Variants in MREG observed in about 807,000 individuals in gnomAD.
MREG encodes the protein melanoregulin.
MREG carries 31 observed loss-of-function variants against 28.5 expected under a neutral mutation model. The observed-to-expected ratio is 1.09, with a 90% confidence interval of 0.82 to 1.47. The LOEUF (loss-of-function observed/expected upper bound fraction) is 1.47. MREG is among the 40% of genes most tolerant of loss of function. The pLI is 0.00. For synonymous variants in MREG, 106 were observed against 95.2 expected, an observed-to-expected ratio of 1.11 and a Z score of -0.66; for missense variants, 256 against 257.4, an observed-to-expected ratio of 0.99 and a Z score of 0.04.
At chr2:215,942,090 T>C (rs1305454404), downstream of MREG, among the ~76,000 whole-genome samples, 1 of 152,188 alleles carries the variant, frequency 6.6e-6, no homozygotes, top group Non-Finnish European at 1.5e-5. Flanking sequence ...ATAAATAATA[T>C]TCTGTGCAAC....
chr2:215,979,794 T>C (rs999417273), intron 2 of MREG, among the ~76,000 whole-genome samples: 1 of 151,976 alleles, frequency 6.6e-6, no homozygotes, highest in Admixed American at 6.5e-5. Context: ...TCAGACACTC[T>C]AAGAAAAACC....
chr2:215,976,056 C>T (rs901202314), intron 2 of MREG, among the ~76,000 whole-genome samples: 2 of 151,146 alleles, frequency 1.3e-5, no homozygotes, highest in African/African-American at 4.9e-5. Flanking sequence ...TGCAGTGAGC[C>T]AAGATCGCAC....
chr2:215,984,972 C>A (rs1693528376), intron 2 of MREG, among the ~76,000 whole-genome samples: 1 of 152,188 alleles, frequency 6.6e-6, no homozygotes, highest in South Asian at 2.1e-4. Flanking sequence ...CTCTCCATTT[C>A]AATCCTGATA....
intron 1 of MREG, among the ~76,000 whole-genome samples, chr2:216,024,931 C>T (rs200315844): frequency 0.012 from 927 of 75,434 alleles, 17 homozygotes; most frequent in African/African-American, 0.038. Context: ...AAAAAAGGAA[C>T]GGAAAGGAAG....
At chr2:216,015,082 TAAG>T (rs1389339531), upstream of MREG, among the ~76,000 whole-genome samples, 1 of 151,962 alleles carries the variant, frequency 6.6e-6, no homozygotes, top group Non-Finnish European at 1.5e-5. Context: ...GGGAAGGGAA[TAAG>T]AAGTGCCAGG....
intron 2 of MREG, among the ~76,000 whole-genome samples, chr2:215,993,444 A>C (rs1193722687): frequency 3.3e-5 from 5 of 152,192 alleles, no homozygotes; most frequent in Non-Finnish European, 5.9e-5. Flanking sequence ...AGACTTAAAC[A>C]TAAGACCTAA....
chr2:215,947,984 A>G (rs1692365275), intron 2 of MREG, among the ~76,000 whole-genome samples: 1 of 152,216 alleles, frequency 6.6e-6, no homozygotes, highest in South Asian at 2.1e-4. Flanking sequence ...TTTATAGAGT[A>G]TACCTTTTAC....
chr2:216,005,645 G>T lies in MREG; in HGVS notation c.95+7588C>A, dbSNP rs138814650. Among the ~76,000 whole-genome samples the T allele has an allele frequency of 7.7e-3, 1,174 of 151,516 alleles. 10 individuals are homozygous for T. Among genetic ancestry groups the T allele is most frequent in the African/African-American group, 0.027 (1,122 of 41,350 alleles). ...TTTTTGTAGTTTGAGTAGACACAGG[G>T]TTTCACCATGTTGGCCAGGCTGGTC... On this transcript the variant is annotated intron_variant, in intron 1 of 4. Coordinates refer to ENST00000263268, the MANE Select transcript of MREG (RefSeq NM_018000.3).
At chr2:216,028,981 C>T (rs1176488792) in intron 1 of MREG, among the ~76,000 whole-genome samples, 1 of 151,808 alleles carries the variant, frequency 6.6e-6, no homozygotes, top group Non-Finnish European at 1.5e-5. Context: ...TTTGGTTTTC[C>T]CCCCATTGGA....
chr2:216,002,869 TTC>T (rs67495704), intron 1 of MREG, among the ~76,000 whole-genome samples: 87,553 of 148,972 alleles, frequency 0.59, 26,358 homozygotes, highest in African/African-American at 0.72. Context: ...TTCTTTGTTT[TTC>T]TCTCTCCCTG....
intron 2 of MREG, among the ~76,000 whole-genome samples, chr2:215,972,586 A>T (rs1693131742): frequency 6.8e-6 from 1 of 147,704 alleles, no homozygotes; most frequent in Non-Finnish European, 1.5e-5. Flanking sequence ...ACTGCACTTC[A>T]GTCTAGCCAA....
chr2:215,994,719 G>T (rs139075309), intron 2 of MREG, among the ~76,000 whole-genome samples: 1 of 149,912 alleles, frequency 6.7e-6, no homozygotes, highest in Non-Finnish European at 1.5e-5. Context: ...CACTTTAGAA[G>T]CTGTGCTTTC....
intron 2 of MREG, among the ~76,000 whole-genome samples, chr2:215,984,434 C>A (rs1302322898): frequency 6.9e-6 from 1 of 145,948 alleles, no homozygotes; most frequent in Non-Finnish European, 1.5e-5. Flanking sequence ...AGAAGAATTG[C>A]TGGAGCCCAG....
chr2:215,968,788 C>T (rs563092262), intron 2 of MREG, among the ~76,000 whole-genome samples: 1 of 152,324 alleles, frequency 6.6e-6, no homozygotes, highest in South Asian at 2.1e-4. Context: ...CAGGGCCTCA[C>T]TCTGTCACCC....
At chr2:215,951,015 TTC>T (rs1007135506) in intron 2 of MREG, among the ~76,000 whole-genome samples, 2 of 151,268 alleles carry the variant, frequency 1.3e-5, no homozygotes, top group Non-Finnish European at 3.0e-5. Context: ...CTCTGTCTCT[TTC>T]TCTCTCTCTC....
At chr2:215,980,705 G>T (rs1574623107) in intron 2 of MREG, among the ~76,000 whole-genome samples, 1 of 152,158 alleles carries the variant, frequency 6.6e-6, no homozygotes, top group Non-Finnish European at 1.5e-5. Flanking sequence ...CAAGGTACTC[G>T]GGAGGCTGAG....
intron 2 of MREG, among the ~76,000 whole-genome samples, chr2:215,974,659 A>G (rs965649120): frequency 2.6e-5 from 4 of 152,096 alleles, no homozygotes; most frequent in Admixed American, 6.5e-5. Flanking sequence ...CAGGCAGGGG[A>G]GGGGAAGACA....
intron 2 of MREG, among the ~76,000 whole-genome samples, chr2:215,958,023 G>A (rs184087511): frequency 1.2e-4 from 18 of 150,602 alleles, no homozygotes; most frequent in East Asian, 5.9e-4. Context: ...ACCAAACACC[G>A]CACGTTCTCA....
rs772777536 is a variant in MREG at position 215,947,007 on chromosome 2, T to C, written c.346+16A>G. On this transcript the variant is annotated intron_variant, in intron 3 of 4. Coordinates refer to ENST00000263268, the MANE Select transcript of MREG (RefSeq NM_018000.3). ...ACGAGTTATTTTTACCATTTCACAATCTCTTTTAGACTTACCTAAATCTTC... is the reference window on the plus strand; with the variant it reads ...ACGAGTTATTTTTACCATTTCACAACCTCTTTTAGACTTACCTAAATCTTC... The C allele has an allele frequency of 4.1e-6, 6 of 1,448,412 alleles. No individual in the cohort carries two copies. In the Admixed American group the frequency reaches 5.2e-5, roughly 12 times the overall value. The allele number at this position is 1,448,412 out of a possible 1,614,324, so 89.7% of individuals were successfully genotyped here.
Sources: gnomAD v4.1 joint callset for allele counts (sites outside exome capture counted in the v4.1 genomes callset) on GRCh38, gnomAD v4.1.1 for gene constraint, MANE v1.5 for transcripts, NCBI Gene and HGNC (gene_info 2026-07-23, HGNC 2026-07-21) for gene names.